HACD3: variants seen among roughly 807,000 people sequenced by gnomAD.
HACD3 encodes 3-hydroxyacyl-CoA dehydratase 3, also known as very-long-chain (3R)-3-hydroxyacyl-CoA dehydratase 3.
HACD3 carries 30 observed loss-of-function variants against 55.2 expected under a neutral mutation model. The observed-to-expected ratio is 0.54, with a 90% CI of 0.41 to 0.74. The LOEUF (loss-of-function observed/expected upper bound fraction) is 0.74. Ranked by LOEUF, HACD3 falls within the 30% of genes least tolerant of loss-of-function variation. The probability of loss-of-function intolerance (pLI) is 0.00; values close to 1 mark genes in which losing one functional copy is unlikely to be tolerated. For synonymous variants in HACD3, 141 were observed against 151.7 expected (o/e 0.93, Z 0.52); for missense variants, 363 against 440.1 (o/e 0.82, Z 1.57).
chr15:65,572,927 A>T (rs8035669), intron 10 of HACD3, among the ~76,000 whole-genome samples: 33,957 of 138,452 alleles, frequency 0.25, 4,535 homozygotes, highest in African/African-American at 0.35. Flanking sequence ...AAAAAAAAAA[A>T]AAATAAATAA....
intron 1 of HACD3, among the ~76,000 whole-genome samples, chr15:65,549,316 G>A (rs566278526): frequency 1.8e-4 from 28 of 151,840 alleles, no homozygotes; most frequent in African/African-American, 5.8e-4. Context: ...AGCCTGGTGC[G>A]GTGGCTCACA....
intron 5 of HACD3, among the ~76,000 whole-genome samples, chr15:65,561,614 T>C (rs2072245156): frequency 6.6e-6 from 1 of 152,182 alleles, no homozygotes; most frequent in African/African-American, 2.4e-5. Flanking sequence ...TCCTATTTTC[T>C]TACTCAACAA....
chr15:65,532,902 C>T (rs1003459020), intron 1 of HACD3, among the ~76,000 whole-genome samples: 1 of 151,972 alleles, frequency 6.6e-6, no homozygotes, highest in African/African-American at 2.4e-5. Flanking sequence ...TAGAAGGAGG[C>T]GTATCATATA....
intron 1 of HACD3, among the ~76,000 whole-genome samples, chr15:65,533,822 C>T (rs1375138074): frequency 2.0e-5 from 3 of 150,828 alleles, no homozygotes; most frequent in Non-Finnish European, 4.4e-5. Flanking sequence ...GAGGCCGAGA[C>T]GGGCGGATCA....
At chr15:65,541,922 AG>A (rs2072023039) in intron 1 of HACD3, among the ~76,000 whole-genome samples, 1 of 152,182 alleles carries the variant, frequency 6.6e-6, no homozygotes, top group South Asian at 2.1e-4. Flanking sequence ...TTGTATAGAA[AG>A]AAGGGAAAAT....
intron 1 of HACD3, chr15:65,535,698 C>CT (rs746107738): frequency 0.11 from 44,325 of 388,274 alleles, 1 homozygote; most frequent in East Asian, 0.14. Flanking sequence ...TTGATGTTAA[C>CT]TTTTTTTTTT....
chr15:65,553,226 T>C (rs1013989719), intron 2 of HACD3: 10 of 152,104 alleles, frequency 6.6e-5, no homozygotes, highest in African/African-American at 2.4e-4. Flanking sequence ...ATAATAATTA[T>C]TTATTACATC....
chr15:65,544,543 TTC>T (rs756138822), intron 1 of HACD3, among the ~76,000 whole-genome samples: 3 of 152,204 alleles, frequency 2.0e-5, no homozygotes, highest in Admixed American at 1.3e-4. Context: ...TCAGTACTAT[TTC>T]TTTTTTAAAA....
At chr15:65,537,139 A>C (rs539758166) in intron 1 of HACD3, among the ~76,000 whole-genome samples, 1 of 152,342 alleles carries the variant, frequency 6.6e-6, no homozygotes, top group African/African-American at 2.4e-5. Context: ...AGGAAGCTGC[A>C]GAAGAGAAAT....
chr15:65,562,948 G>A, intron 6 of HACD3, 64 bp downstream of exon 6: 1 of 1,587,128 alleles, frequency 6.3e-7, no homozygotes, highest in African/African-American at 1.3e-5. Flanking sequence ...ATTCACCAAA[G>A]GGAGCACTCT....
chr15:65,541,966 C>T (rs149382453), intron 1 of HACD3, among the ~76,000 whole-genome samples: 7,185 of 151,986 alleles, frequency 0.047, 575 homozygotes, highest in African/African-American at 0.17. Flanking sequence ...TGCGGTGGCT[C>T]ACGCCTGTAA....
intron 1 of HACD3, among the ~76,000 whole-genome samples, chr15:65,543,343 T>A (rs1170587987): frequency 6.6e-6 from 1 of 152,140 alleles, no homozygotes; most frequent in Non-Finnish European, 1.5e-5. Flanking sequence ...TCTTTTTTTT[T>A]AAATTGAATA....
At chr15:65,569,515 C>T (rs1347774568) in intron 7 of HACD3, among the ~76,000 whole-genome samples, 1 of 152,112 alleles carries the variant, frequency 6.6e-6, no homozygotes, top group Non-Finnish European at 1.5e-5. Flanking sequence ...TTTGAGCAAG[C>T]TTGGCCAACA....
intron 10 of HACD3, chr15:65,574,602 G>A (rs2141228181): frequency 6.6e-6 from 1 of 152,358 alleles, no homozygotes; most frequent in South Asian, 2.1e-4. Flanking sequence ...TAGTGTTGCG[G>A]GAGGAGAGAC....
intron 10 of HACD3, chr15:65,574,319 T>C (rs1272575976): frequency 1.3e-5 from 2 of 152,168 alleles, no homozygotes; most frequent in Non-Finnish European, 2.9e-5. Context: ...TTTCTTGCCA[T>C]AGCCCGTCTC....
chr15:65,537,966 T>A (rs1213978292), intron 1 of HACD3, among the ~76,000 whole-genome samples: 17 of 2,796 alleles, frequency 6.1e-3, no homozygotes, highest in East Asian at 0.027. Flanking sequence ...AAAATATATA[T>A]ATATATATAT....
chr15:65,531,596 G>A (rs906887101), intron 1 of HACD3, among the ~76,000 whole-genome samples: 1 of 150,990 alleles, frequency 6.6e-6, no homozygotes, highest in Admixed American at 6.6e-5. Context: ...ACGGTGTTTC[G>A]CTCTTGTCGC....
Position 65,562,841 on chromosome 15 carries a change from G to A in HACD3, c.489G>A (p.Trp163Ter). The stretch of plus-strand genomic sequence containing the variant: ...TTGTGCAATTCTTGGGATTCTCCTG[G>A]ATCTTTGTCAACCTGACTGTGCGAT... ...YNLVQFLGFSWIFVNLTVRFC... is the reference protein window; with the variant it reads ...YNLVQFLGFS Residue 163 changes from tryptophan to a stop codon, truncating the protein, a stop_gained, in exon 6 of 11, where the codon TGG becomes TGA. Transcript: ENST00000261875. LOFTEE classifies it high-confidence loss of function. The A allele has an allele frequency of 1.2e-6, 2 of 1,613,890 alleles. No homozygotes were observed. The highest frequency in any genetic ancestry group is 8.5e-7 in the Non-Finnish European group (1 of 1,179,884).
chr15:65,547,332 G>A (rs2072087802), intron 1 of HACD3, among the ~76,000 whole-genome samples: 1 of 152,104 alleles, frequency 6.6e-6, no homozygotes, highest in African/African-American at 2.4e-5. Flanking sequence ...GGTCAGGCTG[G>A]TCTCGAACTC....
Sources: gnomAD v4.1 joint callset for allele counts (sites outside exome capture counted in the v4.1 genomes callset) on GRCh38, gnomAD v4.1.1 for gene constraint, MANE v1.5 for transcripts, NCBI Gene and HGNC (gene_info 2026-07-23, HGNC 2026-07-21) for gene names.